The following CCSER1 variants were observed in gnomAD, a reference collection of about 807,000 sequenced individuals.
The protein encoded by CCSER1 is serine-rich coiled-coil domain-containing protein 1.
A neutral mutation model predicts 82.0 loss-of-function variants in CCSER1; 41 were observed. The observed-to-expected ratio is 0.50, with a 90% confidence interval of 0.39 to 0.65. CCSER1 has a LOEUF of 0.65. Among genes scored for constraint, CCSER1 ranks in the 30% least tolerant of loss-of-function variants. The probability of loss-of-function intolerance (pLI) is 0.00; values close to 1 mark genes in which losing one functional copy is unlikely to be tolerated. For synonymous variants in CCSER1, 414 were observed against 383.9 expected, an observed-to-expected ratio of 1.08 and a Z score of -0.92; for missense variants, 1,119 against 1,064.2, an observed-to-expected ratio of 1.05 and a Z score of -0.72.
chr4:90,336,993 C>T (rs1199406222), intron 3 of CCSER1, among the ~76,000 whole-genome samples: 1 of 152,050 alleles, frequency 6.6e-6, no homozygotes, highest in African/African-American at 2.4e-5. Flanking sequence ...AACTGCAAGA[C>T]AAGGTAATAT....
At chr4:90,957,483 TATA>T (rs1226817062) in intron 9 of CCSER1, among the ~76,000 whole-genome samples, 3 of 135,628 alleles carry the variant, frequency 2.2e-5, no homozygotes, top group Non-Finnish European at 4.6e-5. Context: ...TAATTTATAT[TATA>T]ATATTATTAT....
At chr4:90,561,427 A>G (rs1778748050) in intron 5 of CCSER1, among the ~76,000 whole-genome samples, 1 of 152,260 alleles carries the variant, frequency 6.6e-6, no homozygotes, top group Admixed American at 6.5e-5. Flanking sequence ...AATTTAGCTG[A>G]AAGATGTGTA....
chr4:91,554,779 G>A (rs1315728195), intron 10 of CCSER1, among the ~76,000 whole-genome samples: 1 of 151,152 alleles, frequency 6.6e-6, no homozygotes, highest in East Asian at 1.9e-4. Flanking sequence ...ACTGATTTTA[G>A]AATATATCCT....
intron 1 of CCSER1, among the ~76,000 whole-genome samples, chr4:90,227,993 T>C (rs1743565115): frequency 6.6e-6 from 1 of 152,164 alleles, no homozygotes; most frequent in Admixed American, 6.5e-5. Context: ...GTCTCACTGA[T>C]TGCTAGCACA....
At chr4:91,210,691 A>G (rs145868463) in intron 10 of CCSER1, among the ~76,000 whole-genome samples, 18 of 152,044 alleles carry the variant, frequency 1.2e-4, no homozygotes, top group African/African-American at 4.1e-4. Context: ...CTGAGGATCT[A>G]CTGTAGATTG....
intron 10 of CCSER1, among the ~76,000 whole-genome samples, chr4:91,255,808 C>G (rs3897866): frequency 6.6e-6 from 1 of 151,968 alleles, no homozygotes; most frequent in African/African-American, 2.4e-5. Context: ...CTATGCCTGT[C>G]TTTACTTTAA....
intron 1 of CCSER1, among the ~76,000 whole-genome samples, chr4:90,239,703 G>A (rs755534084): frequency 1.3e-5 from 2 of 151,870 alleles, no homozygotes; most frequent in Non-Finnish European, 2.9e-5. Flanking sequence ...AATCTCGAAC[G>A]CCTGGTCTCA....
At chr4:90,342,483 A>C (rs1325444114) in intron 3 of CCSER1, among the ~76,000 whole-genome samples, 1 of 152,166 alleles carries the variant, frequency 6.6e-6, no homozygotes, top group Non-Finnish European at 1.5e-5. Flanking sequence ...GAAAATGGAG[A>C]CAATGAGAGT....
Position 90,665,329 on chromosome 4 carries a change from C to CT in CCSER1, c.1932+37109dup, listed in dbSNP as rs5860200. Among the ~76,000 whole-genome samples, 152 of 145,126 alleles carry CT rather than the reference C, an allele frequency of 1.0e-3. 1 individual carries two copies. Among genetic ancestry groups the CT allele is most frequent in the African/African-American group, 2.7e-3 (106 of 39,394 alleles). ...GAAACATATGCTGAGATTTTTTTTT[C>CT]TTTTTTTTTTTTGAGACGGAGTCTT... On this transcript the variant is annotated intron_variant, in intron 6 of 10. Transcript: ENST00000509176.
At chr4:91,569,509 C>T (rs1388462542) in intron 10 of CCSER1, among the ~76,000 whole-genome samples, 1 of 152,104 alleles carries the variant, frequency 6.6e-6, no homozygotes. Context: ...ATTCACAATT[C>T]CACATGGCTG....
intron 3 of CCSER1, among the ~76,000 whole-genome samples, chr4:90,344,072 T>C (rs913507394): frequency 7.9e-5 from 12 of 152,324 alleles, no homozygotes; most frequent in Admixed American, 5.2e-4. Flanking sequence ...ACCATCCTTT[T>C]ACTTTCTATC....
At chr4:90,153,198 C>T (rs1727247017) in intron 1 of CCSER1, among the ~76,000 whole-genome samples, 1 of 151,908 alleles carries the variant, frequency 6.6e-6, no homozygotes, top group East Asian at 1.9e-4. Context: ...ATCCATGTCC[C>T]TACAAAGGAC....
chr4:90,661,917 T>C (rs1030782098), intron 6 of CCSER1, among the ~76,000 whole-genome samples: 2 of 151,492 alleles, frequency 1.3e-5, no homozygotes, highest in Non-Finnish European at 2.9e-5. Context: ...AAAAAAAAAA[T>C]TTATTTTAGG....
chr4:90,621,477 T>C (rs79894890), intron 5 of CCSER1, among the ~76,000 whole-genome samples: 1,953 of 151,862 alleles, frequency 0.013, 49 homozygotes, highest in African/African-American at 0.045. Context: ...TTTTTTTTTT[T>C]CATCTTTATA....
chr4:90,901,696 C>T (rs879577828), intron 8 of CCSER1, among the ~76,000 whole-genome samples: 19 of 151,944 alleles, frequency 1.3e-4, no homozygotes, highest in Non-Finnish European at 2.4e-4. Context: ...TGTCCCTTTT[C>T]TCAAGCTGCC....
chr4:90,172,118 T>A lies in CCSER1; in HGVS notation c.-42+44287T>A, dbSNP rs139272846. Among the ~76,000 whole-genome samples the A allele has an allele frequency of 5.2e-3, 798 of 152,026 alleles. 9 individuals carry two copies. Among genetic ancestry groups the A allele is most frequent in the African/African-American group, 0.019 (770 of 41,546 alleles). On this transcript the variant is annotated intron_variant, in intron 1 of 10. Transcript: ENST00000509176. The stretch of plus-strand genomic sequence containing the variant: ...GGCCATGCTCTTTGCTCATGTCAAA[T>A]CCGCTGGATGGAAAAGATGATCACA...
At chr4:91,319,033 C>A (rs1473714966) in intron 10 of CCSER1, 2 of 191,010 alleles carry the variant, frequency 1.0e-5, no homozygotes, top group South Asian at 7.9e-5. Context: ...AGGAAGATAA[C>A]TTTAGGTTCC....
At chr4:90,358,151 A>T (rs1364951612) in intron 3 of CCSER1, among the ~76,000 whole-genome samples, 1 of 152,148 alleles carries the variant, frequency 6.6e-6, no homozygotes, top group Non-Finnish European at 1.5e-5. Context: ...TGTTTTAAAA[A>T]TAGGAGTAAA....
chr4:91,530,780 C>G (rs1403612554), intron 10 of CCSER1, among the ~76,000 whole-genome samples: 1 of 150,716 alleles, frequency 6.6e-6, no homozygotes. Flanking sequence ...CTCCGCCTCC[C>G]AGGTTCAAGC....
Sources: gnomAD v4.1 joint callset for allele counts (sites outside exome capture counted in the v4.1 genomes callset) on GRCh38, gnomAD v4.1.1 for gene constraint, MANE v1.5 for transcripts, NCBI Gene and HGNC (gene_info 2026-07-23, HGNC 2026-07-21) for gene names.